Variants in PCSK5 observed in about 807,000 individuals in gnomAD.
The protein encoded by PCSK5 is proprotein convertase subtilisin/kexin type 5.
Under a neutral mutation model 233.2 loss-of-function variants are expected in PCSK5, and 129 were observed. The ratio of observed to expected loss-of-function variants is 0.55; its 90% CI spans 0.48 to 0.64. The LOEUF (loss-of-function observed/expected upper bound fraction) is 0.64. PCSK5 is among the 30% of genes least tolerant of loss of function. The pLI, the probability that PCSK5 is intolerant of heterozygous loss-of-function variation, is 0.00. For missense variants in PCSK5, 2,076 were observed against 2,430.1 expected (o/e 0.85, Z 3.06); for synonymous variants, 825 against 879.2 (o/e 0.94, Z 1.09).
intron 21 of PCSK5, among the ~76,000 whole-genome samples, chr9:76,231,104 T>C (rs937321086): frequency 4.6e-5 from 7 of 152,108 alleles, no homozygotes; most frequent in Admixed American, 3.3e-4. Context: ...AGTTGACTCA[T>C]AGTTCTGCAT....
intron 22 of PCSK5, 68 bp downstream of exon 22, chr9:76,233,664 G>A: frequency 6.8e-7 from 1 of 1,469,702 alleles, no homozygotes; most frequent in Admixed American, 1.7e-5. Flanking sequence ...CCATCATTTG[G>A]TTTGACCCAA....
At chr9:76,058,998 A>G (rs574732535) in intron 5 of PCSK5, among the ~76,000 whole-genome samples, 3 of 152,286 alleles carry the variant, frequency 2.0e-5, no homozygotes, top group South Asian at 4.1e-4. Context: ...CACAGACGAA[A>G]AAAAAGAAAG....
intron 30 of PCSK5, among the ~76,000 whole-genome samples, chr9:76,319,476 G>GTA (rs1184479138): frequency 2.0e-5 from 3 of 151,588 alleles, no homozygotes; most frequent in East Asian, 1.9e-4. Flanking sequence ...TAACCGGCAG[G>GTA]TATAGGGTCA....
chr9:76,025,271 G>A (rs965901072), intron 4 of PCSK5, among the ~76,000 whole-genome samples: 1 of 152,120 alleles, frequency 6.6e-6, no homozygotes, highest in African/African-American at 2.4e-5. Context: ...TTCAGGCTAG[G>A]TGCAGTGGCT....
intron 5 of PCSK5, among the ~76,000 whole-genome samples, chr9:76,060,661 G>A (rs1175218936): frequency 6.6e-6 from 1 of 152,142 alleles, no homozygotes; most frequent in Non-Finnish European, 1.5e-5. Context: ...ATCATAAGAA[G>A]CTTGTACATG....
rs994460274 is a variant in PCSK5, at chr9:76,351,499, A to G, written c.5067+571A>G. On this transcript the variant is annotated intron_variant, in intron 36 of 37. Transcript: ENST00000674117. The stretch of plus-strand genomic sequence containing the variant: ...AAGAAAGAAAGAAAGAAAGAAAGAA[A>G]GAAAGAAAGAAAGAAAGAAAGAAAG... Among the ~76,000 whole-genome samples the G allele has an allele frequency of 3.4e-3, 193 of 57,548 alleles. 3 individuals are homozygous for G. The highest frequency in any genetic ancestry group is 7.3e-3 in the Non-Finnish European group (147 of 20,114). The allele number at this position is 57,548 out of a possible 152,430, so 37.8% of individuals were successfully genotyped here. A position where few individuals can be genotyped will look rare whatever the true frequency, so the allele number is the denominator to read the frequency against.
At chr9:75,987,338 C>T (rs149698383) in intron 3 of PCSK5, among the ~76,000 whole-genome samples, 1,688 of 152,270 alleles carry the variant, frequency 0.011, 26 homozygotes, top group Middle Eastern at 0.051. Context: ...GACCCTCTCC[C>T]TGCTGCTCAT....
At chr9:76,327,090 A>T (rs1222233526) in intron 32 of PCSK5, among the ~76,000 whole-genome samples, 1 of 148,488 alleles carries the variant, frequency 6.7e-6, no homozygotes, top group African/African-American at 2.5e-5. Flanking sequence ...AGCAAAGTGA[A>T]GGCCCATCTC....
chr9:76,234,062 G>T (rs1826178509), intron 22 of PCSK5, among the ~76,000 whole-genome samples: 1 of 151,996 alleles, frequency 6.6e-6, no homozygotes, highest in African/African-American at 2.4e-5. Context: ...AGATTTACCT[G>T]CACTAAAAGT....
In PCSK5 at chr9:75,988,798, C is replaced by T. The variant is rs552917691; in HGVS notation, c.411+2553C>T. On this transcript the variant is annotated intron_variant, in intron 3 of 37. Coordinates refer to ENST00000674117, the MANE Select transcript of PCSK5 (RefSeq NM_001372043.1). ...TAAAGTGAGAAACCTGTGAGGCTTG[C>T]GAAATTTAGTTAACTTACCTAAGAT... is the stretch of plus-strand genomic sequence containing the variant. Among the ~76,000 whole-genome samples the T allele has an allele frequency of 1.1e-3, 172 of 152,064 alleles. 1 individual carries two copies. Among genetic ancestry groups the T allele is most frequent in the African/African-American group, 3.9e-3 (162 of 41,470 alleles).
chr9:76,263,566 G>A (rs143597196), intron 24 of PCSK5, among the ~76,000 whole-genome samples: 1,938 of 151,896 alleles, frequency 0.013, 40 homozygotes, highest in African/African-American at 0.045. Flanking sequence ...CTCATAGGTG[G>A]GAATTGAACA....
At chr9:76,122,369 GTGAATTTATCTCTGAACACACT>G (rs1244917508) in intron 9 of PCSK5, among the ~76,000 whole-genome samples, 6 of 151,916 alleles carry the variant, frequency 3.9e-5, no homozygotes, top group Non-Finnish European at 5.9e-5. Context: ...TTTTAAAGAT[GTGAATTTATCTCTGAACACACT>G]TTTGATAGAC....
At chr9:76,057,108 TA>T (rs1187185064) in intron 5 of PCSK5, among the ~76,000 whole-genome samples, 1 of 152,206 alleles carries the variant, frequency 6.6e-6, no homozygotes, top group Non-Finnish European at 1.5e-5. Flanking sequence ...GTTTTCTCCC[TA>T]TGCTGAAAGT....
At chr9:76,098,384 G>A (rs10781332) in intron 8 of PCSK5, among the ~76,000 whole-genome samples, 97,035 of 152,080 alleles carry the variant, frequency 0.64, 31,146 homozygotes, top group South Asian at 0.74. Flanking sequence ...CCTTAACTGG[G>A]AAGTGATGCC....
At chr9:75,967,571 T>C (rs1825643786) in intron 2 of PCSK5, among the ~76,000 whole-genome samples, 1 of 152,190 alleles carries the variant, frequency 6.6e-6, no homozygotes, top group African/African-American at 2.4e-5. Flanking sequence ...TGGGTGCCTA[T>C]TTTCTGTGTT....
Position 76,095,897 on chromosome 9 carries a change from G to T in PCSK5, c.902G>T (p.Arg301Ile), listed in dbSNP as rs780895869. The T allele has an allele frequency of 6.2e-7, 1 of 1,614,016 alleles. No homozygotes were observed. The highest frequency in any genetic ancestry group is 8.5e-7 in the Non-Finnish European group (1 of 1,179,954). The change falls in exon 8 of 38, where the codon AGA becomes ATA. Residue 301 changes from arginine (R) to isoleucine (I), a missense_variant. By Grantham distance (97) the Arg-to-Ile change is moderately conservative. Coordinates refer to ENST00000674117, the MANE Select transcript of PCSK5 (RefSeq NM_001372043.1). The part of the protein sequence containing the change: ...AFENGVRMGR[R>I]GLGSVFVWAS... ...TTCTCTGTTTGTGAACAGGGGCGGA[G>T]AGGCCTCGGCTCTGTGTTTGTTTGG... is the stretch of plus-strand genomic sequence containing the variant.
Position 76,224,483 on chromosome 9 carries a change from C to T in PCSK5, c.2627-3020C>T, listed in dbSNP as rs947124508. Among the ~76,000 whole-genome samples the T allele has an allele frequency of 1.3e-3, 193 of 151,500 alleles. 3 individuals carry two copies. The highest frequency in any genetic ancestry group is 1.9e-4 in the Non-Finnish European group (13 of 67,944). On this transcript the variant is annotated intron_variant, in intron 20 of 37. Coordinates refer to ENST00000674117, the MANE Select transcript of PCSK5 (RefSeq NM_001372043.1). ...AATGAGGAGGTGATGTCTCCTTTTG[C>T]AGAAGAATGGGTGGAACTTGGGCTT...
intron 10 of PCSK5, among the ~76,000 whole-genome samples, chr9:76,149,862 A>C (rs1274293084): frequency 6.6e-6 from 1 of 152,248 alleles, no homozygotes; most frequent in Non-Finnish European, 1.5e-5. Flanking sequence ...AAATAAATGA[A>C]GACTGGTCAG....
intron 35 of PCSK5, among the ~76,000 whole-genome samples, chr9:76,345,899 T>C (rs1463464189): frequency 1.3e-5 from 2 of 152,036 alleles, no homozygotes; most frequent in Admixed American, 6.5e-5. Context: ...TTTGTATTTT[T>C]AGTAGAGACA....
Sources: gnomAD v4.1 joint callset for allele counts (sites outside exome capture counted in the v4.1 genomes callset) on GRCh38, gnomAD v4.1.1 for gene constraint, MANE v1.5 for transcripts, NCBI Gene and HGNC (gene_info 2026-07-23, HGNC 2026-07-21) for gene names.